Variants in SMIM7 observed in about 807,000 individuals in gnomAD.
SMIM7 encodes the protein small integral membrane protein 7.
A neutral mutation model predicts 13.3 loss-of-function variants in SMIM7; 12 were observed. That is an observed-to-expected ratio of 0.90 (90% CI 0.58 to 1.46). The LOEUF (loss-of-function observed/expected upper bound fraction) is 1.46, where lower values mean the gene tolerates loss of function less well. Among genes scored for constraint, SMIM7 ranks in the 40% most tolerant of loss-of-function variants. SMIM7 has a pLI of 0.00. For missense variants in SMIM7, 114 were observed against 94.8 expected, an observed-to-expected ratio of 1.20 and a Z score of -0.84; for synonymous variants, 36 against 35.8, an observed-to-expected ratio of 1.01 and a Z score of -0.02.
downstream of SMIM7, among the ~76,000 whole-genome samples, chr19:16,642,878 C>T (rs1753339154): frequency 6.7e-6 from 1 of 148,156 alleles, no homozygotes; most frequent in African/African-American, 2.5e-5. Context: ...GGCTGCAGTG[C>T]AGCGGCGCGA....
intron 3 of SMIM7, among the ~76,000 whole-genome samples, chr19:16,654,399 G>A (rs570875548): frequency 6.6e-6 from 1 of 152,180 alleles, no homozygotes; most frequent in African/African-American, 2.4e-5. Flanking sequence ...GTCCACCCTG[G>A]GACTTTTCCC....
Position 16,647,041 on chromosome 19 carries a change from G to T in SMIM7, c.*205C>A, listed in dbSNP as rs909490072. ...TCAGTAGACAGCATTTCAATTCAGA[G>T]ACCAAAGTGAAACTATCTTTGAAAA... On this transcript the variant is annotated 3_prime_UTR_variant, in exon 5 of 5. Transcript: ENST00000487416. 106 of 646,038 alleles carry T rather than the reference G, an allele frequency of 1.6e-4. No individual in the cohort carries two copies. The East Asian group carries it at 2.9e-3, about 18-fold the overall frequency. The allele number at this position is 646,038 out of a possible 1,614,324, so 40.0% of individuals were successfully genotyped here.
intron 3 of SMIM7, among the ~76,000 whole-genome samples, chr19:16,654,609 T>C (rs1332857565): frequency 6.6e-6 from 1 of 152,090 alleles, no homozygotes; most frequent in Non-Finnish European, 1.5e-5. Context: ...CTTGAACTCC[T>C]GGCTTCAAGT....
intron 4 of SMIM7, among the ~76,000 whole-genome samples, chr19:16,651,098 C>G (rs1195548068): frequency 6.6e-6 from 1 of 152,170 alleles, no homozygotes; most frequent in Non-Finnish European, 1.5e-5. Context: ...AGGTGATTTC[C>G]AGTTTTTAAA....
chr19:16,649,875 G>A (rs2122523448), intron 4 of SMIM7, among the ~76,000 whole-genome samples: 1 of 152,240 alleles, frequency 6.6e-6, no homozygotes, highest in East Asian at 1.9e-4. Context: ...GACACAAAAG[G>A]CCATGCAGTG....
chr19:16,655,062 C>A (rs1044330672), intron 3 of SMIM7, among the ~76,000 whole-genome samples: 1 of 152,178 alleles, frequency 6.6e-6, no homozygotes, highest in Admixed American at 6.6e-5. Flanking sequence ...CCAACTCCAA[C>A]CCCAACCCTA....
rs1238640602 is a variant in SMIM7 at position 16,659,412 on chromosome 19, G to A, written c.104C>T (p.Ser35Phe). The A allele has an allele frequency of 1.2e-6, 2 of 1,613,822 alleles. No individual in the cohort carries two copies. The highest frequency in any genetic ancestry group is 1.7e-5 in the Admixed American group (1 of 59,948). ...KKDTQGFGEE[S>F]REPSTGDNIR... ...GACCTTACCTGTGCTGGGCTCCCTG[G>A]ACTCCTCCCCAAAGCCCTGCGTGTC... Residue 35 changes from serine (S) to phenylalanine (F), a missense_variant, in exon 3 of 5, where the codon TCC (serine) becomes TTC (phenylalanine). Transcript: ENST00000487416.
chr19:16,647,287 T>C (rs2086461104), intron 4 of SMIM7, 26 bp from the exon 5 acceptor site: 3 of 1,613,676 alleles, frequency 1.9e-6, no homozygotes, highest in Admixed American at 3.3e-5. Context: ...GGCAGAAATG[T>C]CTGTGAGGAT....
downstream of SMIM7, chr19:16,641,149 G>C (rs1318023801): frequency 6.6e-6 from 1 of 152,100 alleles, no homozygotes; most frequent in Non-Finnish European, 1.5e-5. Flanking sequence ...AAATTTTTCT[G>C]GTAAGAGGCC....
downstream of SMIM7, among the ~76,000 whole-genome samples, chr19:16,644,436 CTTTTT>C (rs760428803): frequency 7.3e-6 from 1 of 137,482 alleles, no homozygotes; most frequent in Non-Finnish European, 1.6e-5. Flanking sequence ...CTGTTTGTAA[CTTTTT>C]TTTTTTTTTC....
At position 16,657,757 on chromosome 19, in the gene SMIM7, G is replaced by A. The variant is rs919388718; in HGVS notation, c.121+1638C>T. 4.6e-5 allele frequency among the ~76,000 whole-genome samples: 7 copies of A among 152,232 alleles called. No individual in the cohort carries two copies. In the East Asian group the frequency reaches 5.8e-4, roughly 13 times the overall value. On this transcript the variant is annotated intron_variant, in intron 3 of 4. Coordinates refer to ENST00000487416, the MANE Select transcript of SMIM7 (RefSeq NM_024104.4). The stretch of plus-strand genomic sequence containing the variant: ...CTTCAAAATCTCAGCTCGGCCAGGC[G>A]TGGTAGCTCATGCCTGTGATCCCAG...
downstream of SMIM7, chr19:16,645,891 AC>A (rs1307707000): frequency 1.3e-5 from 2 of 151,966 alleles, no homozygotes; most frequent in African/African-American, 4.8e-5. Context: ...CGAACTCCTG[AC>A]CTCAAGTGAT....
At chr19:16,644,523 A>T (rs1490417596), downstream of SMIM7, among the ~76,000 whole-genome samples, 1 of 139,088 alleles carries the variant, frequency 7.2e-6, no homozygotes. Context: ...TGCAACCTCC[A>T]CCTCCTGGGT....
intron 4 of SMIM7, chr19:16,652,768 C>A: frequency 6.7e-7 from 1 of 1,501,388 alleles, no homozygotes. Flanking sequence ...TCACTCAGGA[C>A]AGACAACTTT....
downstream of SMIM7, among the ~76,000 whole-genome samples, chr19:16,641,881 C>T (rs1255584165): frequency 2.0e-5 from 3 of 152,202 alleles, no homozygotes; most frequent in African/African-American, 7.2e-5. Context: ...GCACCCGGCT[C>T]CAATAAAACT....
chr19:16,659,282 C>CAAA (rs752864646), intron 3 of SMIM7, 113 bp downstream of exon 3: 715 of 549,544 alleles, frequency 1.3e-3, no homozygotes, highest in Non-Finnish European at 1.5e-3. Flanking sequence ...GACCTTGTGT[C>CAAA]AAAAAAAAAA....
At chr19:16,644,293 G>A (rs746790665), downstream of SMIM7, among the ~76,000 whole-genome samples, 5 of 151,134 alleles carry the variant, frequency 3.3e-5, no homozygotes, top group African/African-American at 1.2e-4. Context: ...GCTAATTTTT[G>A]TATTTTTTAG....
intron 3 of SMIM7, chr19:16,659,146 G>A (rs2122557963): frequency 1.8e-6 from 1 of 563,032 alleles, no homozygotes; most frequent in Admixed American, 3.1e-5. Context: ...AGCCTGGCAT[G>A]GTGGCACACA....
downstream of SMIM7, chr19:16,641,443 C>T (rs1277811679): frequency 2.0e-5 from 3 of 152,014 alleles, no homozygotes; most frequent in South Asian, 2.1e-4. Context: ...GGATTACAGG[C>T]CTGTACCACC....
Sources: gnomAD v4.1 joint callset for allele counts (sites outside exome capture counted in the v4.1 genomes callset) on GRCh38, gnomAD v4.1.1 for gene constraint, MANE v1.5 for transcripts, NCBI Gene and HGNC (gene_info 2026-07-23, HGNC 2026-07-21) for gene names.